SLC13A2: variants seen among roughly 807,000 people sequenced by gnomAD.
SLC13A2 encodes solute carrier family 13 member 2.
A neutral mutation model predicts 58.5 loss-of-function variants in SLC13A2; 40 were observed. That is an observed-to-expected ratio of 0.68 (90% confidence interval 0.53 to 0.89). The LOEUF is 0.89. SLC13A2 is among the 40% of genes least tolerant of loss of function. SLC13A2 has a pLI of 0.00. For synonymous variants in SLC13A2, 341 were observed against 331.6 expected (o/e 1.03, Z -0.31); for missense variants, 694 against 772.6 (o/e 0.90, Z 1.21).
chr17:28,493,937 T>C, intron 7 of SLC13A2, 80 bp from the exon 8 acceptor site: 1 of 1,499,808 alleles, frequency 6.7e-7, no homozygotes, highest in Non-Finnish European at 9.3e-7. Context: ...GAGAGGCTCA[T>C]CTCCACCACC....
At chr17:28,480,116 T>C (rs1352431980) in intron 1 of SLC13A2, among the ~76,000 whole-genome samples, 1 of 149,362 alleles carries the variant, frequency 6.7e-6, no homozygotes, top group Non-Finnish European at 1.5e-5. Flanking sequence ...ATCACGCCAC[T>C]GCACTCCAGC....
At position 28,493,716 on chromosome 17, in the gene SLC13A2, C is replaced by T. The variant is rs1555604009; in HGVS notation, c.1024C>T (p.Leu342Phe). 1.9e-6 allele frequency: 3 copies of T among 1,614,238 alleles called. No individual in the cohort carries two copies. Among genetic ancestry groups the T allele is most frequent in the South Asian group, 2.2e-5 (2 of 91,088 alleles). Residue 342 changes from leucine to phenylalanine, a missense_variant, in exon 7 of 12, where the codon CTC becomes TTC. By Grantham distance (22) the Leu-to-Phe change is conservative. Transcript: ENST00000314669. The stretch of plus-strand genomic sequence containing the variant: ...CATCCTATTCGTCATCCTGGTGCTG[C>T]TCTGGTTCACCCGGGAGCCGGGCTT... ...ISILFVILVL[L>F]WFTREPGFFL...
chr17:28,473,890 CT>C, intron 1 of SLC13A2, 76 bp downstream of exon 1: 1 of 1,263,850 alleles, frequency 7.9e-7, no homozygotes, highest in Non-Finnish European at 1.1e-6. Context: ...GTTGGGCATC[CT>C]TAGGATCCAG....
intron 1 of SLC13A2, among the ~76,000 whole-genome samples, chr17:28,474,469 T>C (rs1368023596): frequency 1.3e-5 from 2 of 151,966 alleles, no homozygotes; most frequent in African/African-American, 4.8e-5. Context: ...CATCTCTCAT[T>C]AAATCAAGCC....
intron 1 of SLC13A2, among the ~76,000 whole-genome samples, chr17:28,487,893 A>G (rs1269465376): frequency 6.6e-6 from 1 of 152,144 alleles, no homozygotes; most frequent in African/African-American, 2.4e-5. Context: ...ACACTGCACA[A>G]TTACTGGGGC....
At chr17:28,476,520 C>G (rs782522907) in intron 1 of SLC13A2, among the ~76,000 whole-genome samples, 1 of 152,106 alleles carries the variant, frequency 6.6e-6, no homozygotes, top group African/African-American at 2.4e-5. Flanking sequence ...CCCAGGCTCC[C>G]TCCCCCTGTG....
intron 1 of SLC13A2, among the ~76,000 whole-genome samples, chr17:28,487,049 C>T (rs977472768): frequency 1.3e-5 from 2 of 152,202 alleles, no homozygotes; most frequent in African/African-American, 4.8e-5. Context: ...CAGCCCCCCA[C>T]GGCCTCCCAG....
rs377583091 is a variant in SLC13A2 at position 28,494,004 on chromosome 17, C to T, written c.1098-13C>T. ...GGCTAACCCAGCCCTCCCCGCGCCC[C>T]CTCCACCAACAGCATGGTGTCCGAT... On this transcript the variant is annotated splice_polypyrimidine_tract_variant and intron_variant, in intron 7 of 11. Coordinates refer to ENST00000314669, the MANE Select transcript of SLC13A2 (RefSeq NM_003984.4). This position sits in a 1 kb window ranked among gnomAD's most constrained non-coding sequence, Gnocchi z 4.0. 7 of 1,613,374 alleles carry T rather than the reference C, an allele frequency of 4.3e-6. No individual in the cohort carries two copies. The highest frequency in any genetic ancestry group is 5.1e-6 in the Non-Finnish European group (6 of 1,179,452).
In SLC13A2 at chr17:28,473,703, G is replaced by A; in HGVS notation, c.-10G>A. On this transcript the variant is annotated 5_prime_UTR_variant, in exon 1 of 12. Coordinates refer to ENST00000314669, the MANE Select transcript of SLC13A2 (RefSeq NM_003984.4). Reference sequence around the variant, plus strand: ...GGCAGTGGCTGTAGCAGCCCTTGCTGCTCCACACCATGGCCACCTGCTGGC... The same window carrying A: ...GGCAGTGGCTGTAGCAGCCCTTGCTACTCCACACCATGGCCACCTGCTGGC... The A allele has an allele frequency of 1.2e-6, 2 of 1,612,028 alleles. No homozygotes were observed. Among genetic ancestry groups the A allele is most frequent in the Non-Finnish European group, 1.7e-6 (2 of 1,178,520 alleles).
chr17:28,494,121 G>T lies in SLC13A2; in HGVS notation c.1186+16G>T, dbSNP rs1555604166. The T allele has an allele frequency of 5.6e-6, 9 of 1,610,244 alleles. No homozygotes were observed. Among genetic ancestry groups the T allele is most frequent in the East Asian group, 2.2e-5 (1 of 44,852 alleles). ...CAGGACCCAGGTAAGCACCTGGACTGGGGCAGGGAAGGGTCTCCGGGCAGC... is the reference window on the plus strand; with the variant it reads ...CAGGACCCAGGTAAGCACCTGGACTTGGGCAGGGAAGGGTCTCCGGGCAGC... On this transcript the variant is annotated intron_variant, in intron 8 of 11. Coordinates refer to ENST00000314669, the MANE Select transcript of SLC13A2 (RefSeq NM_003984.4). The surrounding 1 kb of genome is among the most constrained non-coding windows in gnomAD (Gnocchi z 4.0).
chr17:28,475,107 G>GTGT (rs2068648747), intron 1 of SLC13A2, among the ~76,000 whole-genome samples: 2 of 152,334 alleles, frequency 1.3e-5, no homozygotes, highest in East Asian at 3.9e-4. Flanking sequence ...TGGGGCAAGT[G>GTGT]TGTTAACCCC....
At chr17:28,489,091 T>A in intron 1 of SLC13A2, 123 bp from the exon 2 acceptor site, 1 of 1,125,006 alleles carries the variant, frequency 8.9e-7, no homozygotes, top group South Asian at 1.5e-5. Context: ...AATCAATGAC[T>A]GTGGGTTTCA....
At chr17:28,475,600 G>C (rs916105222) in intron 1 of SLC13A2, among the ~76,000 whole-genome samples, 1 of 152,110 alleles carries the variant, frequency 6.6e-6, no homozygotes, top group African/African-American at 2.4e-5. Context: ...CACCACAAGC[G>C]CACTTTCTCT....
At chr17:28,495,186 A>G (rs1277459788) in intron 9 of SLC13A2, among the ~76,000 whole-genome samples, 3 of 152,054 alleles carry the variant, frequency 2.0e-5, no homozygotes, top group African/African-American at 7.3e-5. Context: ...AGCTCTTCTG[A>G]CCCTGTGGAC....
chr17:28,493,905 G>T, intron 7 of SLC13A2, 112 bp from the exon 8 acceptor site: 1 of 1,457,838 alleles, frequency 6.9e-7, no homozygotes, highest in Non-Finnish European at 9.5e-7. Flanking sequence ...GGGGGATGAA[G>T]GTTCCCCAGG....
rs2069079109 is a variant in SLC13A2, at chr17:28,493,752, T to TG, written c.1064dup (p.Asn356GlnfsTer81). The stretch of plus-strand genomic sequence containing the variant: ...CCGGGAGCCGGGCTTTTTTCTTGGC[T>TG]GGGGCAATTTGGCTTTTCCCAATGC... On this transcript the variant is annotated frameshift_variant, in exon 7 of 12. Transcript: ENST00000314669. LOFTEE classifies it high-confidence loss of function. The TG allele has an allele frequency of 1.2e-6, 2 of 1,614,178 alleles. No individual in the cohort carries two copies. The highest frequency in any genetic ancestry group is 2.2e-5 in the East Asian group (1 of 44,886).
At chr17:28,490,426 G>C in intron 2 of SLC13A2, 28 bp from the exon 3 acceptor site, 3 of 1,614,056 alleles carry the variant, frequency 1.9e-6, no homozygotes, top group Non-Finnish European at 2.5e-6. Context: ...GGGTCTTCCC[G>C]CCGCTCAGCC....
At chr17:28,473,960 A>G in intron 1 of SLC13A2, 146 bp downstream of exon 1, 1 of 673,700 alleles carries the variant, frequency 1.5e-6, no homozygotes, top group Non-Finnish European at 2.5e-6. Flanking sequence ...GCTCCTCCTG[A>G]GGACTGAGGG....
At chr17:28,492,003 T>G in intron 6 of SLC13A2, 151 bp downstream of exon 6, 2 of 1,167,252 alleles carry the variant, frequency 1.7e-6, no homozygotes, top group Non-Finnish European at 2.4e-6. Context: ...GGACCCCCAT[T>G]TGAGGAAATT....
Sources: gnomAD v4.1 joint callset for allele counts (sites outside exome capture counted in the v4.1 genomes callset) on GRCh38, gnomAD v4.1.1 for gene constraint, Gnocchi (gnomAD v3.1) non-coding constraint, MANE v1.5 for transcripts, NCBI Gene and HGNC (gene_info 2026-07-23, HGNC 2026-07-21) for gene names.